WIPF3: variants seen among roughly 807,000 people sequenced by gnomAD.
WIPF3 encodes the protein WAS/WASL-interacting protein family member 3.
Under a neutral mutation model 38.9 loss-of-function variants are expected in WIPF3, and 33 were observed. The observed-to-expected ratio is 0.85, with a 90% CI of 0.64 to 1.14. The LOEUF is 1.14. Among genes scored for constraint, WIPF3 ranks in the 50% most tolerant of loss-of-function variants. The pLI is 0.00. For missense variants in WIPF3, 711 were observed against 652.5 expected, an observed-to-expected ratio of 1.09 and a Z score of -0.98; for synonymous variants, 324 against 269.3, an observed-to-expected ratio of 1.20 and a Z score of -1.99.
chr7:29,810,019 G>C lies in WIPF3; in HGVS notation c.-58+3341G>C, dbSNP rs189719472. On this transcript the variant is annotated intron_variant, in intron 1 of 8. Transcript: ENST00000242140. ...GGCAGTAGCCAGTCTCAGTGCTTGAGTTTCTGAGGACGTGTGTCTGTGTGA... is the reference window on the plus strand; with the variant it reads ...GGCAGTAGCCAGTCTCAGTGCTTGACTTTCTGAGGACGTGTGTCTGTGTGA... Among the ~76,000 whole-genome samples the C allele has an allele frequency of 5.2e-3, 797 of 152,288 alleles. 4 individuals carry two copies. The highest frequency in any genetic ancestry group is 0.018 in the African/African-American group (737 of 41,544).
chr7:29,824,091 C>G (rs1583591715), intron 1 of WIPF3, among the ~76,000 whole-genome samples: 1 of 152,318 alleles, frequency 6.6e-6, no homozygotes, highest in Middle Eastern at 3.4e-3. Context: ...GACATAGTCC[C>G]TATCTTTGAA....
chr7:29,897,390 C>T (rs1786172911), intron 7 of WIPF3, among the ~76,000 whole-genome samples: 1 of 152,190 alleles, frequency 6.6e-6, no homozygotes, highest in Non-Finnish European at 1.5e-5. Context: ...AAATGCTATA[C>T]TGTTTTCATA....
At chr7:29,910,020 C>G (rs1786476648) in intron 8 of WIPF3, among the ~76,000 whole-genome samples, 1 of 151,916 alleles carries the variant, frequency 6.6e-6, no homozygotes, top group Non-Finnish European at 1.5e-5. Context: ...TATTTGATAG[C>G]ACAACAGGGT....
At chr7:29,850,509 C>G (rs991956757) in intron 2 of WIPF3, among the ~76,000 whole-genome samples, 2 of 152,212 alleles carry the variant, frequency 1.3e-5, no homozygotes, top group African/African-American at 4.8e-5. Flanking sequence ...GCTGGAGGAG[C>G]ACAGCAGGTC....
rs767447930 is a variant in WIPF3 at position 29,916,570 on chromosome 7, A to G, written c.*2054A>G. 6.6e-6 allele frequency: 1 copy of G among 152,176 alleles called. No homozygotes were observed. The highest frequency in any genetic ancestry group is 1.5e-5 in the Non-Finnish European group (1 of 68,058). 9.4% of individuals were successfully genotyped at this position (152,176 alleles called of 1,614,324 possible). A position where few individuals can be genotyped will look rare whatever the true frequency, so the allele number is the denominator to read the frequency against. On this transcript the variant is annotated 3_prime_UTR_variant, in exon 9 of 9. Coordinates refer to ENST00000242140, the MANE Select transcript of WIPF3 (RefSeq NM_001080529.3). ...TCTACTCAAATACAAAAAATTAGCC[A>G]GGCATGGTGGCTCACACCTGTAATC... is the stretch of plus-strand genomic sequence containing the variant.
chr7:29,886,932 G>T (rs1785894519), intron 5 of WIPF3, among the ~76,000 whole-genome samples: 1 of 152,228 alleles, frequency 6.6e-6, no homozygotes, highest in Non-Finnish European at 1.5e-5. Flanking sequence ...AGGGGCTGCA[G>T]TCCTTTTACT....
intron 1 of WIPF3, among the ~76,000 whole-genome samples, chr7:29,816,380 G>T (rs1300056206): frequency 6.6e-6 from 1 of 152,104 alleles, no homozygotes; most frequent in Non-Finnish European, 1.5e-5. Context: ...CAGCTGGAGT[G>T]CAGTGGCCTG....
At chr7:29,883,504 C>T (rs1005453733) in intron 4 of WIPF3, among the ~76,000 whole-genome samples, 6 of 152,128 alleles carry the variant, frequency 3.9e-5, no homozygotes, top group African/African-American at 1.4e-4. Flanking sequence ...TGAATGAGTT[C>T]GTGAGTGTGG....
intron 2 of WIPF3, among the ~76,000 whole-genome samples, chr7:29,849,846 T>A (rs1323171245): frequency 2.6e-5 from 4 of 152,248 alleles, no homozygotes; most frequent in African/African-American, 9.6e-5. Context: ...GGTCAGTGTA[T>A]GTTCTAGAAC....
At chr7:29,914,412 T>G in intron 8 of WIPF3, 81 bp from the exon 9 acceptor site, 2 of 1,184,924 alleles carry the variant, frequency 1.7e-6, no homozygotes, top group South Asian at 2.0e-5. Flanking sequence ...GCCCAGCCTG[T>G]TTGGGGGGGT....
intron 1 of WIPF3, among the ~76,000 whole-genome samples, chr7:29,831,571 G>T (rs748843739): frequency 5.9e-5 from 9 of 152,156 alleles, no homozygotes; most frequent in Non-Finnish European, 1.2e-4. Context: ...ATTTTATTTA[G>T]TTCCTATATT....
At chr7:29,902,150 C>T (rs1786295806) in intron 7 of WIPF3, among the ~76,000 whole-genome samples, 1 of 151,972 alleles carries the variant, frequency 6.6e-6, no homozygotes, top group South Asian at 2.1e-4. Flanking sequence ...AGACCCCTGG[C>T]CTAGAAGGTC....
chr7:29,901,512 C>T (rs1397658335), intron 7 of WIPF3, among the ~76,000 whole-genome samples: 1 of 150,634 alleles, frequency 6.6e-6, no homozygotes, highest in Non-Finnish European at 1.5e-5. Flanking sequence ...TGGGAAGAGC[C>T]AGGTGCGATG....
At position 29,895,955 on chromosome 7, in the gene WIPF3, C is replaced by T. The variant is rs551275859; in HGVS notation, c.1351+6548C>T. ...AAAATATTATGTAAGTGAAAGAATC[C>T]AGAAACGAAAGGCCACATGTTGTAT... On this transcript the variant is annotated intron_variant, in intron 7 of 8. Transcript: ENST00000242140. Among the ~76,000 whole-genome samples, 6 of 152,134 alleles carry T rather than the reference C, an allele frequency of 3.9e-5. No homozygotes were observed. In the South Asian group the frequency reaches 1.2e-3, roughly 32 times the overall value.
At chr7:29,910,644 T>C (rs1319825537) in intron 8 of WIPF3, among the ~76,000 whole-genome samples, 1 of 152,130 alleles carries the variant, frequency 6.6e-6, no homozygotes, top group Non-Finnish European at 1.5e-5. Flanking sequence ...TATATTGCAT[T>C]AATAGGATGA....
At chr7:29,827,724 G>A (rs919001559) in intron 1 of WIPF3, among the ~76,000 whole-genome samples, 3 of 152,200 alleles carry the variant, frequency 2.0e-5, no homozygotes, top group African/African-American at 7.2e-5. Flanking sequence ...AAGAGGAACA[G>A]TGTCAAAACA....
In WIPF3 at chr7:29,876,191, C is replaced by A. The variant is rs148987902; in HGVS notation, c.223+229C>A. 2.9e-3 allele frequency among the ~76,000 whole-genome samples: 435 copies of A among 152,366 alleles called. 1 individual carries two copies. The highest frequency in any genetic ancestry group is 9.3e-3 in the African/African-American group (388 of 41,598). ...CATCCTTTTCATATGCTAAAAAGAA[C>A]AACTCTGCAATGGGACACCTATTTA... On this transcript the variant is annotated intron_variant, in intron 3 of 8. Transcript: ENST00000242140.
chr7:29,855,444 T>G (rs1451528778), intron 2 of WIPF3, among the ~76,000 whole-genome samples: 1 of 152,262 alleles, frequency 6.6e-6, no homozygotes, highest in Non-Finnish European at 1.5e-5. Flanking sequence ...ATATCTGCTA[T>G]TTCTAGAAGC....
chr7:29,913,274 G>T (rs921761696), intron 8 of WIPF3, among the ~76,000 whole-genome samples: 1 of 151,206 alleles, frequency 6.6e-6, no homozygotes, highest in Non-Finnish European at 1.5e-5. Context: ...TGAACCCGTG[G>T]ACGGAGGTTG....
Sources: allele counts gnomAD v4.1 joint callset (sites outside exome capture counted in the v4.1 genomes callset), GRCh38; gene constraint gnomAD v4.1.1; transcripts MANE v1.5; gene names NCBI Gene and HGNC (gene_info 2026-07-23, HGNC 2026-07-21).